Variants in UGGT2 observed in about 807,000 individuals in gnomAD.
UGGT2 encodes UDP-glucose:glycoprotein glucosyltransferase 2.
A neutral mutation model predicts 192.1 loss-of-function variants in UGGT2; 180 were observed. The observed-to-expected ratio is 0.94, with a 90% CI of 0.83 to 1.06. UGGT2 has a LOEUF of 1.06. Ranked by LOEUF, UGGT2 falls within the 50% of genes least tolerant of loss-of-function variation. The pLI, the probability that UGGT2 is intolerant of heterozygous loss-of-function variation, is 0.00. For missense variants in UGGT2, 1,849 were observed against 1,795.7 expected (o/e 1.03, Z -0.54); for synonymous variants, 580 against 591.0 (o/e 0.98, Z 0.27).
intron 22 of UGGT2, among the ~76,000 whole-genome samples, chr13:95,896,962 C>G (rs567664113): frequency 6.6e-6 from 1 of 152,062 alleles, no homozygotes; most frequent in African/African-American, 2.4e-5. Flanking sequence ...CATCCACATA[C>G]TGAGCTAAAA....
intron 1 of UGGT2, among the ~76,000 whole-genome samples, chr13:96,035,733 T>C (rs1257529834): frequency 6.6e-6 from 1 of 151,978 alleles, no homozygotes; most frequent in Non-Finnish European, 1.5e-5. Flanking sequence ...AACGACCCCA[T>C]TAAAAAGTGG....
intron 5 of UGGT2, among the ~76,000 whole-genome samples, chr13:96,005,757 C>T (rs61973961): frequency 0.019 from 2,836 of 152,254 alleles, 38 homozygotes; most frequent in Non-Finnish European, 0.025. Flanking sequence ...TGCCCCCTCA[C>T]CTTCACCTCA....
chr13:95,930,230 T>TACAGAA, intron 17 of UGGT2, among the ~76,000 whole-genome samples: 1 of 152,226 alleles, frequency 6.6e-6, no homozygotes, highest in Non-Finnish European at 1.5e-5. Flanking sequence ...GCTGTCTGTT[T>TACAGAA]ACTCTGTTGC....
At chr13:95,969,443 A>G (rs965549402) in intron 12 of UGGT2, among the ~76,000 whole-genome samples, 2 of 152,216 alleles carry the variant, frequency 1.3e-5, no homozygotes, top group African/African-American at 4.8e-5. Context: ...ATGTAGATTT[A>G]AAAAACCATC....
intron 25 of UGGT2, among the ~76,000 whole-genome samples, chr13:95,888,817 C>CTT (rs61412956): frequency 0.017 from 2,469 of 145,054 alleles, 66 homozygotes; most frequent in African/African-American, 0.059. Flanking sequence ...TGTATAATTC[C>CTT]TTTTTTTTTT....
At chr13:95,896,580 G>T (rs1285735410) in intron 22 of UGGT2, among the ~76,000 whole-genome samples, 2 of 151,942 alleles carry the variant, frequency 1.3e-5, no homozygotes, top group Non-Finnish European at 2.9e-5. Context: ...ATTAGAATAA[G>T]GAAATAAAAT....
chr13:95,859,815 A>G, intron 32 of UGGT2, 140 bp from the exon 33 acceptor site: 1 of 562,336 alleles, frequency 1.8e-6, no homozygotes, highest in South Asian at 3.4e-5. Context: ...TGTGCAGAAC[A>G]TACAGGTTTG....
intron 25 of UGGT2, 113 bp from the exon 26 acceptor site, chr13:95,888,084 T>C: frequency 2.9e-6 from 2 of 681,240 alleles, no homozygotes; most frequent in Non-Finnish European, 4.7e-6. Context: ...ATTATCTCAC[T>C]TGATCCTTAC....
Position 95,967,421 on chromosome 13 carries a change from G to A in UGGT2, c.1335+2691C>T, listed in dbSNP as rs570723118. 1.1e-3 allele frequency among the ~76,000 whole-genome samples: 171 copies of A among 151,374 alleles called. 1 individual carries two copies. Among genetic ancestry groups the A allele is most frequent in the African/African-American group, 3.7e-3 (151 of 41,272 alleles). On this transcript the variant is annotated intron_variant, in intron 12 of 38. Coordinates refer to ENST00000376747, the MANE Select transcript of UGGT2 (RefSeq NM_020121.4). ...CCACCACGTGCTCCTCAAAGTGCTG[G>A]GATTACAGGCGTGAGCCACCACGCC...
At chr13:96,044,936 TC>T (rs1009994652) in intron 1 of UGGT2, among the ~76,000 whole-genome samples, 24 of 152,132 alleles carry the variant, frequency 1.6e-4, no homozygotes, top group South Asian at 6.2e-4. Context: ...TTCGTACGAA[TC>T]CTATTGACAC....
intron 36 of UGGT2, among the ~76,000 whole-genome samples, chr13:95,841,812 G>C (rs967948081): frequency 6.6e-6 from 1 of 151,976 alleles, no homozygotes; most frequent in African/African-American, 2.4e-5. Flanking sequence ...AGAGTTTTAC[G>C]GTTTTAGTTC....
chr13:95,928,280 G>A (rs1239414662), intron 17 of UGGT2, among the ~76,000 whole-genome samples: 53 of 151,234 alleles, frequency 3.5e-4, no homozygotes, highest in Non-Finnish European at 5.2e-4. Flanking sequence ...TGGACGGGGC[G>A]GCTGGCCGGG....
At chr13:95,977,355 G>GA (rs1484632547) in intron 10 of UGGT2, among the ~76,000 whole-genome samples, 10 of 150,264 alleles carry the variant, frequency 6.7e-5, no homozygotes, top group African/African-American at 2.4e-4. Flanking sequence ...AAATTTACAA[G>GA]AAAAAACAAA....
chr13:95,918,144 C>A (rs940693816), intron 20 of UGGT2, among the ~76,000 whole-genome samples: 3 of 152,180 alleles, frequency 2.0e-5, no homozygotes, highest in Non-Finnish European at 4.4e-5. Flanking sequence ...GGAAGTAAAA[C>A]GTTCCTCAGC....
intron 1 of UGGT2, among the ~76,000 whole-genome samples, chr13:96,036,574 A>C (rs2139179757): frequency 6.6e-6 from 1 of 152,250 alleles, no homozygotes; most frequent in Middle Eastern, 3.4e-3. Context: ...AGTAAAAAAA[A>C]AAAAAGTATT....
intron 17 of UGGT2, among the ~76,000 whole-genome samples, chr13:95,930,846 G>GT (rs2049230129): frequency 1.3e-5 from 2 of 152,142 alleles, no homozygotes; most frequent in Non-Finnish European, 2.9e-5. Context: ...TGGTGGGTTG[G>GT]TGGTCTCGCT....
intron 26 of UGGT2, among the ~76,000 whole-genome samples, chr13:95,885,472 A>C (rs1468923429): frequency 6.6e-6 from 1 of 152,214 alleles, no homozygotes; most frequent in African/African-American, 2.4e-5. Flanking sequence ...TTCAAAAGAG[A>C]AGCACACAGA....
intron 22 of UGGT2, 45 bp from the exon 23 acceptor site, chr13:95,895,349 ATCAGTT>A: frequency 8.4e-7 from 1 of 1,192,510 alleles, no homozygotes. Flanking sequence ...TCTAGAAGAT[ATCAGTT>A]TAGGAAAAAC....
rs1476845551 is a variant in UGGT2, at chr13:95,802,128, TGAA to T, written c.4529-319_4529-317del. On this transcript the variant is annotated intron_variant, in intron 38 of 38. Transcript: ENST00000376747. ...ATCCTGCCTGGCAGATAAGAGGTCT[TGAA>T]GAATACTAACAGATTATTCACTGTG... 2.0e-5 allele frequency among the ~76,000 whole-genome samples: 3 copies of T among 152,336 alleles called. No individual in the cohort carries two copies. The East Asian group carries it at 5.8e-4, about 29-fold the overall frequency.
Sources: allele counts gnomAD v4.1 joint callset (sites outside exome capture counted in the v4.1 genomes callset), GRCh38; gene constraint gnomAD v4.1.1; transcripts MANE v1.5; gene names NCBI Gene and HGNC (gene_info 2026-07-23, HGNC 2026-07-21).